GTF2H5: variants seen among roughly 807,000 people sequenced by gnomAD.
GTF2H5 encodes the protein general transcription factor IIH subunit 5.
A neutral mutation model predicts 7.1 loss-of-function variants in GTF2H5; 5 were observed. The observed-to-expected ratio is 0.71, with a 90% confidence interval of 0.37 to 1.49. The LOEUF is 1.49. Ranked by LOEUF, GTF2H5 falls within the 40% of genes most tolerant of loss-of-function variation. The probability of loss-of-function intolerance (pLI) is 0.03; values close to 1 mark genes in which losing one functional copy is unlikely to be tolerated. For synonymous variants in GTF2H5, 30 were observed against 31.7 expected (o/e 0.95, Z 0.18); for missense variants, 80 against 83.0 (o/e 0.96, Z 0.14).
At chr6:158,169,887 G>C (rs948809761) in intron 1 of GTF2H5, among the ~76,000 whole-genome samples, 1 of 144,954 alleles carries the variant, frequency 6.9e-6, no homozygotes, top group Non-Finnish European at 1.5e-5. Flanking sequence ...GGGCTTAGTA[G>C]TGCATGCCTG....
chr6:158,186,939 A>G (rs1776935462), intron 2 of GTF2H5, among the ~76,000 whole-genome samples: 1 of 152,208 alleles, frequency 6.6e-6, no homozygotes, highest in African/African-American at 2.4e-5. Context: ...TGAAGTCTCC[A>G]GGTAGCAGGC....
At chr6:158,191,519 G>A (rs915959944) in intron 2 of GTF2H5, among the ~76,000 whole-genome samples, 3 of 144,124 alleles carry the variant, frequency 2.1e-5, no homozygotes, top group Non-Finnish European at 4.5e-5. Context: ...GTCTCGCTCT[G>A]TCGCCCAGGC....
chr6:158,175,729 A>T (rs1785924645), intron 2 of GTF2H5, among the ~76,000 whole-genome samples: 1 of 151,918 alleles, frequency 6.6e-6, no homozygotes. Flanking sequence ...ATGCCACTGC[A>T]CTCCAGCCTG....
rs1554267061 is a variant in GTF2H5, at chr6:158,169,638, C to CATATAATATATTGTATATTACAT, written c.-34-827_-34-826insATATATTGTATATTACATATATA. On this transcript the variant is annotated intron_variant, in intron 1 of 2. Coordinates refer to ENST00000607778, the MANE Select transcript of GTF2H5 (RefSeq NM_207118.3). ...ATTACATATAATATATTGTATATTACATATATTGTATATTACATATAATAT... is the reference window on the plus strand; with the variant it reads ...ATTACATATAATATATTGTATATTACATATAATATATTGTATATTACATATATATTGTATATTACATATAATAT... 9.0e-5 allele frequency among the ~76,000 whole-genome samples: 4 copies of CATATAATATATTGTATATTACAT among 44,492 alleles called. 1 individual carries two copies. Among genetic ancestry groups the CATATAATATATTGTATATTACAT allele is most frequent in the African/African-American group, 4.6e-4 (4 of 8,738 alleles). The allele number at this position is 44,492 out of a possible 152,430, so 29.2% of individuals were successfully genotyped here. A position where few individuals can be genotyped will look rare whatever the true frequency, so the allele number is the denominator to read the frequency against.
Position 158,180,195 on chromosome 6 carries a change from A to G in GTF2H5, c.35+9657A>G, listed in dbSNP as rs374987972. Among the ~76,000 whole-genome samples, 8 of 152,284 alleles carry G rather than the reference A, an allele frequency of 5.3e-5. No homozygotes were observed. The South Asian group carries it at 1.7e-3, about 32-fold the overall frequency. On this transcript the variant is annotated intron_variant, in intron 2 of 2. Coordinates refer to ENST00000607778, the MANE Select transcript of GTF2H5 (RefSeq NM_207118.3). The stretch of plus-strand genomic sequence containing the variant: ...ACATTTATTGATTTGCGTATGTTGA[A>G]CCAGCCTTGCATCCCAGGGATGAAG...
chr6:158,175,384 T>A (rs145690898), intron 2 of GTF2H5, among the ~76,000 whole-genome samples: 409 of 152,332 alleles, frequency 2.7e-3, no homozygotes, highest in African/African-American at 9.3e-3. Context: ...GGAAGTGTAA[T>A]CCCAAGAAAC....
At chr6:158,185,334 G>C (rs1395405255) in intron 2 of GTF2H5, among the ~76,000 whole-genome samples, 2 of 152,008 alleles carry the variant, frequency 1.3e-5, no homozygotes, top group East Asian at 3.9e-4. Context: ...AAGCCCAGGA[G>C]TTCAAGACCA....
At chr6:158,178,741 C>G (rs903152969) in intron 2 of GTF2H5, among the ~76,000 whole-genome samples, 2 of 152,128 alleles carry the variant, frequency 1.3e-5, no homozygotes, top group Non-Finnish European at 2.9e-5. Flanking sequence ...TTTGTAGATT[C>G]TGGATATTAG....
intron 2 of GTF2H5, among the ~76,000 whole-genome samples, chr6:158,171,571 T>A (rs962090867): frequency 6.6e-6 from 1 of 152,062 alleles, no homozygotes; most frequent in South Asian, 2.1e-4. Flanking sequence ...TGGGCACTGA[T>A]TGAGAACTGG....
chr6:158,191,888 A>C, intron 2 of GTF2H5, 89 bp from the exon 3 acceptor site: 2 of 1,043,164 alleles, frequency 1.9e-6, no homozygotes, highest in South Asian at 2.6e-5. Context: ...ATCATTCTAA[A>C]AATTCTACAT....
intron 2 of GTF2H5, among the ~76,000 whole-genome samples, chr6:158,175,777 A>T (rs987016055): frequency 2.0e-4 from 31 of 152,242 alleles, no homozygotes; most frequent in Admixed American, 8.5e-4. Flanking sequence ...AAAAAAAAAA[A>T]TTTTAGGAAA....
intron 2 of GTF2H5, among the ~76,000 whole-genome samples, chr6:158,180,523 TATTA>T (rs1344885345): frequency 6.6e-6 from 1 of 152,224 alleles, no homozygotes; most frequent in East Asian, 1.9e-4. Flanking sequence ...GTTGGTAGGC[TATTA>T]ATTATTGCCT....
rs1785768946 is a variant in GTF2H5, at chr6:158,169,600, AC to A, written c.-34-869del. Among the ~76,000 whole-genome samples, 3 of 64,674 alleles carry A rather than the reference AC, an allele frequency of 4.6e-5. 1 individual carries two copies. The highest frequency in any genetic ancestry group is 7.1e-5 in the African/African-American group (1 of 14,164). 42.4% of individuals were successfully genotyped at this position (64,674 alleles called of 152,430 possible). A position where few individuals can be genotyped will look rare whatever the true frequency, so the allele number is the denominator to read the frequency against. On this transcript the variant is annotated intron_variant, in intron 1 of 2. Transcript: ENST00000607778. ...TATTATATATAATATATTGTATATT[AC>A]ATATATTGTATATTACATATAATAT... is the stretch of plus-strand genomic sequence containing the variant.
chr6:158,169,922 A>G (rs1562469757), intron 1 of GTF2H5, among the ~76,000 whole-genome samples: 1 of 149,414 alleles, frequency 6.7e-6, no homozygotes, highest in East Asian at 1.9e-4. Context: ...CGGGAGGCTG[A>G]GGTGGGAGGA....
chr6:158,191,954 C>A (rs776946388), intron 2 of GTF2H5, 23 bp from the exon 3 acceptor site: 2 of 1,598,082 alleles, frequency 1.3e-6, no homozygotes, highest in Non-Finnish European at 1.7e-6. Context: ...AGCTGTCTTA[C>A]AATCATGTGT....
chr6:158,175,465 GTTTATC>G (rs1169727294), intron 2 of GTF2H5, among the ~76,000 whole-genome samples: 7 of 152,136 alleles, frequency 4.6e-5, no homozygotes, highest in African/African-American at 1.4e-4. Flanking sequence ...GTTTCTATAA[GTTTATC>G]TTTAGGAAAT....
intron 2 of GTF2H5, among the ~76,000 whole-genome samples, chr6:158,171,276 A>G (rs1193986876): frequency 6.6e-6 from 1 of 152,204 alleles, no homozygotes; most frequent in Non-Finnish European, 1.5e-5. Flanking sequence ...CTTTTGTTTA[A>G]CCCTGTCTAT....
Position 158,169,638 on chromosome 6 carries a change from C to CATATATTGTATATTACATATA in GTF2H5, c.-34-816_-34-796dup, listed in dbSNP as rs1185328511. On this transcript the variant is annotated intron_variant, in intron 1 of 2. Coordinates refer to ENST00000607778, the MANE Select transcript of GTF2H5 (RefSeq NM_207118.3). ...ATTACATATAATATATTGTATATTA[C>CATATATTGTATATTACATATA]ATATATTGTATATTACATATAATAT... Among the ~76,000 whole-genome samples, 7 of 44,452 alleles carry CATATATTGTATATTACATATA rather than the reference C, an allele frequency of 1.6e-4. 2 individuals are homozygous for CATATATTGTATATTACATATA. Among genetic ancestry groups the CATATATTGTATATTACATATA allele is most frequent in the South Asian group, 7.4e-4 (1 of 1,354 alleles). 29.2% of individuals were successfully genotyped at this position (44,452 alleles called of 152,430 possible).
At chr6:158,172,211 T>C (rs1387888839) in intron 2 of GTF2H5, among the ~76,000 whole-genome samples, 1 of 152,316 alleles carries the variant, frequency 6.6e-6, no homozygotes, top group East Asian at 1.9e-4. Context: ...AAATATTCAC[T>C]TCTCTCTTGT....
Sources: allele counts gnomAD v4.1 joint callset (sites outside exome capture counted in the v4.1 genomes callset), GRCh38; gene constraint gnomAD v4.1.1; transcripts MANE v1.5; gene names NCBI Gene and HGNC (gene_info 2026-07-23, HGNC 2026-07-21).